SCP2: variants seen among roughly 807,000 people sequenced by gnomAD.
The protein encoded by SCP2 is SCP-2/3-oxoacyl-CoA thiolase.
In SCP2, 48 loss-of-function variants were observed where a neutral mutation model predicts 71.4. The ratio of observed to expected loss-of-function variants is 0.67; its 90% CI spans 0.53 to 0.86. The LOEUF (loss-of-function observed/expected upper bound fraction) is 0.86, where lower values mean the gene tolerates loss of function less well. Ranked by LOEUF, SCP2 falls within the 40% of genes least tolerant of loss-of-function variation. The pLI, the probability that SCP2 is intolerant of heterozygous loss-of-function variation, is 0.00. For missense variants in SCP2, 560 were observed against 655.6 expected (o/e 0.85, Z 1.59); for synonymous variants, 220 against 218.1 (o/e 1.01, Z -0.08).
intron 3 of SCP2, 53 bp downstream of exon 3, chr1:52,948,133 C>G: frequency 1.8e-6 from 2 of 1,085,282 alleles, no homozygotes; most frequent in Admixed American, 3.4e-5. Flanking sequence ...CTAGCAGCAA[C>G]TATACAAACA....
At chr1:53,044,502 C>G (rs929093796) in intron 14 of SCP2, among the ~76,000 whole-genome samples, 4 of 152,170 alleles carry the variant, frequency 2.6e-5, no homozygotes, top group Non-Finnish European at 5.9e-5. Flanking sequence ...CTTCAAGGAC[C>G]TGTGCATATA....
chr1:53,022,344 C>T (rs1236052788), intron 12 of SCP2, among the ~76,000 whole-genome samples: 1 of 152,212 alleles, frequency 6.6e-6, no homozygotes, highest in African/African-American at 2.4e-5. Context: ...CATTTCTCCA[C>T]ATTCTGTCAT....
At position 53,051,523 on chromosome 1, in the gene SCP2, T is replaced by C. The variant is rs1664194007; in HGVS notation, c.*819T>C. The C allele has an allele frequency of 6.6e-6, 1 of 152,248 alleles. No individual in the cohort carries two copies. The highest frequency in any genetic ancestry group is 2.4e-5 in the African/African-American group (1 of 41,464). The allele number at this position is 152,248 out of a possible 1,614,324, so 9.4% of individuals were successfully genotyped here. On this transcript the variant is annotated 3_prime_UTR_variant, in exon 16 of 16. Transcript: ENST00000371514. ...TTTTTCCTAGTTTTTCTAATACTAATGTTATTTCTTAAAATTCAGTGAGAT... is the reference window on the plus strand; with the variant it reads ...TTTTTCCTAGTTTTTCTAATACTAACGTTATTTCTTAAAATTCAGTGAGAT...
At chr1:53,030,346 A>C (rs182102866) in intron 13 of SCP2, among the ~76,000 whole-genome samples, 5 of 152,286 alleles carry the variant, frequency 3.3e-5, no homozygotes, top group Non-Finnish European at 7.4e-5. Context: ...TTAAGCTATG[A>C]TCAATTTAAT....
chr1:52,960,566 G>GTATATATATGTAGATATGTATGTATA, intron 5 of SCP2, among the ~76,000 whole-genome samples: 1 of 142,918 alleles, frequency 7.0e-6, no homozygotes, highest in East Asian at 2.2e-4. Context: ...ATATATGTAT[G>GTATATATATGTAGATATGTATGTATA]TATATATATG....
intron 6 of SCP2, among the ~76,000 whole-genome samples, chr1:52,963,907 A>T (rs1656713324): frequency 6.6e-6 from 1 of 152,070 alleles, no homozygotes; most frequent in South Asian, 2.1e-4. Flanking sequence ...CTGTATATTA[A>T]CTTTTAGTTT....
chr1:53,032,914 A>T (rs557333881), intron 13 of SCP2, among the ~76,000 whole-genome samples: 1 of 152,204 alleles, frequency 6.6e-6, no homozygotes, highest in South Asian at 2.1e-4. Flanking sequence ...TTTAATACAA[A>T]AGTATTAAAA....
chr1:53,015,081 T>A, intron 12 of SCP2, 38 bp downstream of exon 12: 1 of 1,593,386 alleles, frequency 6.3e-7, no homozygotes, highest in Non-Finnish European at 8.6e-7. Flanking sequence ...CAGTTAATCC[T>A]TCTGACTTTT....
intron 11 of SCP2, chr1:52,993,664 A>G (rs1659709271): frequency 6.2e-7 from 1 of 1,612,264 alleles, no homozygotes; most frequent in Non-Finnish European, 8.5e-7. Context: ...TTGTGTAAGA[A>G]TCTTCATTGG....
chr1:52,951,458 C>T (rs1655295764), intron 4 of SCP2, among the ~76,000 whole-genome samples: 1 of 149,856 alleles, frequency 6.7e-6, no homozygotes, highest in Non-Finnish European at 1.5e-5. Context: ...AAAAAATTAG[C>T]CAGGCGTGGT....
chr1:53,017,800 G>A (rs149109126), intron 12 of SCP2, among the ~76,000 whole-genome samples: 3 of 152,260 alleles, frequency 2.0e-5, no homozygotes, highest in African/African-American at 7.2e-5. Context: ...AAAATGGATA[G>A]AGAAAAATTG....
intron 12 of SCP2, among the ~76,000 whole-genome samples, chr1:53,018,795 A>G (rs1316632755): frequency 6.6e-6 from 1 of 152,066 alleles, no homozygotes; most frequent in Non-Finnish European, 1.5e-5. Flanking sequence ...AACTCATTCA[A>G]ATAACATAGT....
At chr1:52,960,719 T>C (rs900668586) in intron 5 of SCP2, among the ~76,000 whole-genome samples, 3 of 132,588 alleles carry the variant, frequency 2.3e-5, no homozygotes, top group East Asian at 2.1e-4. Context: ...ATTATGTGCG[T>C]GTGTGTGTGT....
rs1367116662 is a variant in SCP2 at position 53,050,950 on chromosome 1, T to C, written c.*246T>C. 1 of 323,492 alleles carries C rather than the reference T, an allele frequency of 3.1e-6. No homozygotes were observed. Among genetic ancestry groups the C allele is most frequent in the Non-Finnish European group, 5.7e-6 (1 of 174,474 alleles). 20.0% of individuals were successfully genotyped at this position (323,492 alleles called of 1,614,324 possible). On this transcript the variant is annotated 3_prime_UTR_variant, in exon 16 of 16. Coordinates refer to ENST00000371514, the MANE Select transcript of SCP2 (RefSeq NM_002979.5). ...CAAAGTTAATATGGTAATTATGGTC[T>C]GGGGTAAAATTGAGTTTCAGAATAA...
At chr1:52,989,677 A>G (rs1350883089) in intron 11 of SCP2, among the ~76,000 whole-genome samples, 2 of 152,236 alleles carry the variant, frequency 1.3e-5, no homozygotes, top group East Asian at 3.8e-4. Context: ...CACCCAGTGC[A>G]AAGAGTATTT....
intron 11 of SCP2, among the ~76,000 whole-genome samples, chr1:52,989,901 A>G (rs1270675390): frequency 6.6e-6 from 1 of 152,178 alleles, no homozygotes; most frequent in East Asian, 1.9e-4. Flanking sequence ...ATGCTCAGGA[A>G]AGACCTGAGA....
At chr1:52,977,028 T>C (rs945743518) in intron 8 of SCP2, among the ~76,000 whole-genome samples, 3 of 152,194 alleles carry the variant, frequency 2.0e-5, no homozygotes, top group African/African-American at 7.2e-5. Context: ...ATTGCAATTG[T>C]ATTTATTCAT....
chr1:53,036,811 A>G (rs1572221264), intron 13 of SCP2, among the ~76,000 whole-genome samples: 1 of 151,850 alleles, frequency 6.6e-6, no homozygotes, highest in East Asian at 1.9e-4. Context: ...CTCTGCATAT[A>G]TATGTACCAA....
intron 5 of SCP2, among the ~76,000 whole-genome samples, chr1:52,961,295 A>G (rs968031758): frequency 6.6e-6 from 1 of 150,986 alleles, no homozygotes; most frequent in African/African-American, 2.4e-5. Context: ...ATATTTCTTG[A>G]AAGAGTTAAT....
Sources: gnomAD v4.1 joint callset for allele counts (sites outside exome capture counted in the v4.1 genomes callset) on GRCh38, gnomAD v4.1.1 for gene constraint, MANE v1.5 for transcripts, NCBI Gene and HGNC (gene_info 2026-07-23, HGNC 2026-07-21) for gene names.